The following DIO3 variants were observed in gnomAD, a reference collection of about 807,000 sequenced individuals.
DIO3 encodes the protein iodothyronine deiodinase 3.
A neutral mutation model predicts 20.4 loss-of-function variants in DIO3; 5 were observed. That is an observed-to-expected ratio of 0.25 (90% CI 0.13 to 0.52). The LOEUF is 0.52. DIO3 is among the 20% of genes least tolerant of loss of function. The pLI, the probability that DIO3 is intolerant of heterozygous loss-of-function variation, is 0.97. For missense variants in DIO3, 341 were observed against 438.2 expected, an observed-to-expected ratio of 0.78 and a Z score of 1.98; for synonymous variants, 201 against 193.3, an observed-to-expected ratio of 1.04 and a Z score of -0.33.
In DIO3 at chr14:101,561,743, G is replaced by C. The variant is rs750369987; in HGVS notation, c.247G>C (p.Glu83Gln). The change falls in exon 1 of 1, where the codon GAA becomes CAA. Residue 83 changes from glutamate (E) to glutamine (Q), a missense_variant. Physicochemically the swap from Glu to Gln is conservative, Grantham distance 29. Transcript: ENST00000510508. The surrounding 1 kb of genome is among the most constrained non-coding windows in gnomAD (Gnocchi z 8.0). ...CCGCCGCCGGGGGCAGCCCGAGCCC[G>C]AAGTGGAGCTCAACAGTGAAGGCGA... The C allele has an allele frequency of 6.2e-7, 1 of 1,612,794 alleles. No homozygotes were observed. The highest frequency in any genetic ancestry group is 8.5e-7 in the Non-Finnish European group (1 of 1,179,784).
rs780765546 is a variant in DIO3 at position 101,561,910 on chromosome 14, C to T, written c.414C>T (p.Ser138=). The change falls in exon 1 of 1, where the codon TCC becomes TCT. Residue 138 remains serine (S), a synonymous_variant. Transcript: ENST00000510508. The surrounding 1 kb of genome is among the most constrained non-coding windows in gnomAD (Gnocchi z 8.0). ...ACGAGGGCGGTCCGGCGCCCAACTCCGAGGTGGTTCTGCCCGACGGCTTCC... is the reference window on the plus strand; with the variant it reads ...ACGAGGGCGGTCCGGCGCCCAACTCTGAGGTGGTTCTGCCCGACGGCTTCC... The T allele has an allele frequency of 5.6e-6, 9 of 1,604,880 alleles. No homozygotes were observed. Among genetic ancestry groups the T allele is most frequent in the South Asian group, 2.2e-5 (2 of 91,082 alleles).
In DIO3 at chr14:101,562,481, C is replaced by G; in HGVS notation, c.*70C>G. On this transcript the variant is annotated 3_prime_UTR_variant, in exon 1 of 1. Transcript: ENST00000510508. The surrounding 1 kb of genome is among the most constrained non-coding windows in gnomAD (Gnocchi z 8.7). ...AGCCTTCGAAGCCCACGTGCAAGCG[C>G]CTCAAACCAAGTCACGCTTGGCGAG... 6.7e-7 allele frequency: 1 copy of G among 1,482,682 alleles called. No homozygotes were observed. The highest frequency in any genetic ancestry group is 9.1e-7 in the Non-Finnish European group (1 of 1,097,072). The allele number at this position is 1,482,682 out of a possible 1,614,324, so 91.8% of individuals were successfully genotyped here.
chr14:101,562,434 A>C lies in DIO3; in HGVS notation c.*23A>C. 6.3e-7 allele frequency: 1 copy of C among 1,584,548 alleles called. No homozygotes were observed. Among genetic ancestry groups the C allele is most frequent in the South Asian group, 1.1e-5 (1 of 87,546 alleles). The stretch of plus-strand genomic sequence containing the variant: ...TAAACATCCAACGGACAATTGACTG[A>C]ACTTGGTGGGCTGGGCCTTCGAGCC... On this transcript the variant is annotated 3_prime_UTR_variant, in exon 1 of 1. Coordinates refer to ENST00000510508, the Ensembl canonical transcript of DIO3. This position sits in a 1 kb window ranked among gnomAD's most constrained non-coding sequence, Gnocchi z 8.7.
rs771785204 is a variant in DIO3 at position 101,561,930 on chromosome 14, G to A, written c.434G>A (p.Gly145Asp). The A allele has an allele frequency of 6.2e-7, 1 of 1,604,230 alleles. No homozygotes were observed. ...AACTCCGAGGTGGTTCTGCCCGACG[G>A]CTTCCAGAGCCAGCACATCCTCGAC... The change falls in exon 1 of 1, where the codon GGC becomes GAC. Residue 145 changes from glycine to aspartate, a missense_variant. By Grantham distance (94) the Gly-to-Asp change is moderately conservative. Transcript: ENST00000510508. The surrounding 1 kb of genome is among the most constrained non-coding windows in gnomAD (Gnocchi z 8.0).
In DIO3 at chr14:101,562,927, G is replaced by A. The variant is rs898437227; in HGVS notation, c.*516G>A. 2 of 169,136 alleles carry A rather than the reference G, an allele frequency of 1.2e-5. No individual in the cohort carries two copies. Among genetic ancestry groups the A allele is most frequent in the African/African-American group, 4.8e-5 (2 of 41,444 alleles). The allele number at this position is 169,136 out of a possible 1,614,324, so 10.5% of individuals were successfully genotyped here. ...GTGTCTGTTTCCTGTCCCTGGTAGG[G>A]GAAGTGATGTCGTGGATGGGGAGGG... On this transcript the variant is annotated 3_prime_UTR_variant, in exon 1 of 1. Coordinates refer to ENST00000510508, the Ensembl canonical transcript of DIO3. The surrounding 1 kb of genome is among the most constrained non-coding windows in gnomAD (Gnocchi z 8.7).
In DIO3 at chr14:101,562,549, G is replaced by T; in HGVS notation, c.*138G>T. The T allele has an allele frequency of 1.3e-6, 1 of 788,648 alleles. No homozygotes were observed. Among genetic ancestry groups the T allele is most frequent in the East Asian group, 2.7e-5 (1 of 37,220 alleles). The allele number at this position is 788,648 out of a possible 1,614,324, so 48.9% of individuals were successfully genotyped here. On this transcript the variant is annotated 3_prime_UTR_variant, in exon 1 of 1. Coordinates refer to ENST00000510508, the Ensembl canonical transcript of DIO3. The surrounding 1 kb of genome is among the most constrained non-coding windows in gnomAD (Gnocchi z 8.7). Reference sequence around the variant, plus strand: ...GTGCTGAGCCACCATTTCAGACTGAGTCTGCACCCTCAGCCACATGAACAA... The same window carrying T: ...GTGCTGAGCCACCATTTCAGACTGATTCTGCACCCTCAGCCACATGAACAA...
Position 101,561,806 on chromosome 14 carries a change from G to A in DIO3, c.310G>A (p.Asp104Asn). ...CGATGACCCGCCCATCTGCGTGTCC[G>A]ACGACAACCGCCTGTGCACCCTGGC... is the stretch of plus-strand genomic sequence containing the variant. The change falls in exon 1 of 1, where the codon GAC (aspartate) becomes AAC (asparagine). Residue 104 changes from aspartate (D) to asparagine (N), a missense_variant. Physicochemically the swap from Asp to Asn is conservative, Grantham distance 23 (BLOSUM62 1). Coordinates refer to ENST00000510508, the Ensembl canonical transcript of DIO3. This position sits in a 1 kb window ranked among gnomAD's most constrained non-coding sequence, Gnocchi z 8.0. The A allele has an allele frequency of 1.2e-6, 2 of 1,610,950 alleles. No homozygotes were observed. The highest frequency in any genetic ancestry group is 1.7e-6 in the Non-Finnish European group (2 of 1,179,928).
chr14:101,562,523 T>C lies in DIO3; in HGVS notation c.*112T>C. The C allele has an allele frequency of 9.6e-7, 1 of 1,036,896 alleles. No homozygotes were observed. Among genetic ancestry groups the C allele is most frequent in the Non-Finnish European group, 1.4e-6 (1 of 711,684 alleles). The allele number at this position is 1,036,896 out of a possible 1,614,324, so 64.2% of individuals were successfully genotyped here. ...CTTGGCGAGGCCCCAGTGACACTGATGTGCTGAGCCACCATTTCAGACTGA... is the reference window on the plus strand; with the variant it reads ...CTTGGCGAGGCCCCAGTGACACTGACGTGCTGAGCCACCATTTCAGACTGA... On this transcript the variant is annotated 3_prime_UTR_variant, in exon 1 of 1. Transcript: ENST00000510508. This position sits in a 1 kb window ranked among gnomAD's most constrained non-coding sequence, Gnocchi z 8.7.
At position 101,562,458 on chromosome 14, in the gene DIO3, C is replaced by A. The variant is rs756301888; in HGVS notation, c.*47C>A. ...GAACTTGGTGGGCTGGGCCTTCGAG[C>A]CTTCGAAGCCCACGTGCAAGCGCCT... On this transcript the variant is annotated 3_prime_UTR_variant, in exon 1 of 1. Coordinates refer to ENST00000510508, the Ensembl canonical transcript of DIO3. This position sits in a 1 kb window ranked among gnomAD's most constrained non-coding sequence, Gnocchi z 8.7. 4.5e-6 allele frequency: 7 copies of A among 1,543,152 alleles called. No individual in the cohort carries two copies. The highest frequency in any genetic ancestry group is 2.7e-5 in the African/African-American group (2 of 72,892).
chr14:101,562,237 C>G lies in DIO3; in HGVS notation c.741C>G (p.Ala247=), dbSNP rs375201783. 40 of 1,612,550 alleles carry G rather than the reference C, an allele frequency of 2.5e-5. No homozygotes were observed. Among genetic ancestry groups the G allele is most frequent in the Non-Finnish European group, 3.4e-5 (40 of 1,180,024 alleles). ...GCGCTCTGGTCCTCGACACCATGGCCAACTCCAGCAGCTCGGCCTATGGCG... is the reference window on the plus strand; with the variant it reads ...GCGCTCTGGTCCTCGACACCATGGCGAACTCCAGCAGCTCGGCCTATGGCG... Residue 247 remains alanine, a synonymous_variant, in exon 1 of 1, where the codon GCC becomes GCG. Coordinates refer to ENST00000510508, the Ensembl canonical transcript of DIO3. This position sits in a 1 kb window ranked among gnomAD's most constrained non-coding sequence, Gnocchi z 8.7.
In DIO3 at chr14:101,561,495, A is replaced by G. The variant is rs1426434710; in HGVS notation, c.-2A>G. On this transcript the variant is annotated 5_prime_UTR_variant, in exon 1 of 1. Coordinates refer to ENST00000510508, the Ensembl canonical transcript of DIO3. This position sits in a 1 kb window ranked among gnomAD's most constrained non-coding sequence, Gnocchi z 8.0. ...TGAACTCCCTGCACTGCTGAAGCCC[A>G]GATGCCTCGCCAGGCCACGTCGCGG... The G allele has an allele frequency of 6.3e-7, 1 of 1,595,034 alleles. No individual in the cohort carries two copies. Among genetic ancestry groups the G allele is most frequent in the Non-Finnish European group, 8.5e-7 (1 of 1,170,022 alleles).
rs761379508 is a variant in DIO3 at position 101,562,321 on chromosome 14, T to C, written c.825T>C (p.Arg275=). Residue 275 remains arginine (R), a synonymous_variant, in exon 1 of 1, where the codon CGT becomes CGC. Coordinates refer to ENST00000510508, the Ensembl canonical transcript of DIO3. The surrounding 1 kb of genome is among the most constrained non-coding windows in gnomAD (Gnocchi z 8.7). ...GCACTATTATGTACCAGGGCGGCCG[T>C]GGCCCCGACGGCTACCAGGTCTCTG... 1 of 1,613,952 alleles carries C rather than the reference T, an allele frequency of 6.2e-7. No individual in the cohort carries two copies. The highest frequency in any genetic ancestry group is 1.1e-5 in the South Asian group (1 of 91,084).
Position 101,562,586 on chromosome 14 carries a change from T to A in DIO3, c.*175T>A. On this transcript the variant is annotated 3_prime_UTR_variant, in exon 1 of 1. Coordinates refer to ENST00000510508, the Ensembl canonical transcript of DIO3. The surrounding 1 kb of genome is among the most constrained non-coding windows in gnomAD (Gnocchi z 8.7). ...AGCCACATGAACAATCTCCCCTACC[T>A]CCCTGGGACTCTGCTTCTGTAACTG... 1.6e-6 allele frequency: 1 copy of A among 632,072 alleles called. No homozygotes were observed. The highest frequency in any genetic ancestry group is 2.8e-6 in the Non-Finnish European group (1 of 357,176). The allele number at this position is 632,072 out of a possible 1,614,324, so 39.2% of individuals were successfully genotyped here.
chr14:101,562,584 C>T lies in DIO3; in HGVS notation c.*173C>T, dbSNP rs1428177296. ...TCAGCCACATGAACAATCTCCCCTA[C>T]CTCCCTGGGACTCTGCTTCTGTAAC... On this transcript the variant is annotated 3_prime_UTR_variant, in exon 1 of 1. Coordinates refer to ENST00000510508, the Ensembl canonical transcript of DIO3. The surrounding 1 kb of genome is among the most constrained non-coding windows in gnomAD (Gnocchi z 8.7). 26 of 643,296 alleles carry T rather than the reference C, an allele frequency of 4.0e-5. No homozygotes were observed. The highest frequency in any genetic ancestry group is 5.7e-5 in the Non-Finnish European group (21 of 365,374). 39.8% of individuals were successfully genotyped at this position (643,296 alleles called of 1,614,324 possible).
rs778242454 is a variant in DIO3, at chr14:101,562,019, G to A, written c.523G>A (p.Ala175Thr). 6.2e-7 allele frequency: 1 copy of A among 1,604,364 alleles called. No homozygotes were observed. Among genetic ancestry groups the A allele is most frequent in the African/African-American group, 1.3e-5 (1 of 75,068 alleles). Residue 175 changes from alanine (A) to threonine (T), a missense_variant, in exon 1 of 1, where the codon GCG becomes ACG. By Grantham distance (58) the Ala-to-Thr change is moderately conservative (BLOSUM62 0). This residue lies in a region of DIO3 where 138 missense variants were observed against 197.8 expected (regional missense o/e 0.70). Coordinates refer to ENST00000510508, the Ensembl canonical transcript of DIO3. The surrounding 1 kb of genome is among the most constrained non-coding windows in gnomAD (Gnocchi z 8.7). ...CAGCTGCACCTGACCACCGTTCATG[G>A]CGCGCATGAGCGCCTTCCAGCGCCT...
At position 101,562,438 on chromosome 14, in the gene DIO3, T is replaced by G. The variant is rs2034537149; in HGVS notation, c.*27T>G. ...CATCCAACGGACAATTGACTGAACT[T>G]GGTGGGCTGGGCCTTCGAGCCTTCG... On this transcript the variant is annotated 3_prime_UTR_variant, in exon 1 of 1. Transcript: ENST00000510508. The surrounding 1 kb of genome is among the most constrained non-coding windows in gnomAD (Gnocchi z 8.7). 6.3e-7 allele frequency: 1 copy of G among 1,581,256 alleles called. No individual in the cohort carries two copies. Among genetic ancestry groups the G allele is most frequent in the Non-Finnish European group, 8.6e-7 (1 of 1,161,364 alleles).
At position 101,561,990 on chromosome 14, in the gene DIO3, T is replaced by C; in HGVS notation, c.494T>C (p.Phe165Ser). Residue 165 changes from phenylalanine to serine, a missense_variant, in exon 1 of 1, where the codon TTC becomes TCC. Around this residue, in one of 3 missense-constraint regions of DIO3, gnomAD observed 5 missense variants for 19.8 expected, o/e 0.25. Coordinates refer to ENST00000510508, the Ensembl canonical transcript of DIO3. This position sits in a 1 kb window ranked among gnomAD's most constrained non-coding sequence, Gnocchi z 8.0. ...GGGAACCGCCCGCTGGTTCTCAATT[T>C]CGGCAGCTGCACCTGACCACCGTTC... is the stretch of plus-strand genomic sequence containing the variant. 6.2e-7 allele frequency: 1 copy of C among 1,602,884 alleles called. No homozygotes were observed. The highest frequency in any genetic ancestry group is 8.5e-7 in the Non-Finnish European group (1 of 1,179,976).
rs975635264 is a variant in DIO3 at position 101,561,982 on chromosome 14, T to G, written c.486T>G (p.Val162=). ...ACGCGCAAGGGAACCGCCCGCTGGTTCTCAATTTCGGCAGCTGCACCTGAC... is the reference window on the plus strand; with the variant it reads ...ACGCGCAAGGGAACCGCCCGCTGGTGCTCAATTTCGGCAGCTGCACCTGAC... The change falls in exon 1 of 1, where the codon GTT becomes GTG. Residue 162 remains valine, a synonymous_variant. Coordinates refer to ENST00000510508, the Ensembl canonical transcript of DIO3. The surrounding 1 kb of genome is among the most constrained non-coding windows in gnomAD (Gnocchi z 8.0). 6.2e-7 allele frequency: 1 copy of G among 1,602,742 alleles called. No homozygotes were observed. Among genetic ancestry groups the G allele is most frequent in the Non-Finnish European group, 8.5e-7 (1 of 1,179,974 alleles).
rs777258629 is a variant in DIO3 at position 101,562,099 on chromosome 14, G to A, written c.603G>A (p.Ala201=). The change falls in exon 1 of 1, where the codon GCG becomes GCA. Residue 201 remains alanine, a synonymous_variant. Coordinates refer to ENST00000510508, the Ensembl canonical transcript of DIO3. The surrounding 1 kb of genome is among the most constrained non-coding windows in gnomAD (Gnocchi z 8.7). ...TCCTCATCATCTACATCGAGGAAGCGCACCCCTCCGACGGCTGGGTCACCA... is the reference window on the plus strand; with the variant it reads ...TCCTCATCATCTACATCGAGGAAGCACACCCCTCCGACGGCTGGGTCACCA... 15 of 1,612,426 alleles carry A rather than the reference G, an allele frequency of 9.3e-6. No individual in the cohort carries two copies. The highest frequency in any genetic ancestry group is 6.7e-5 in the East Asian group (3 of 44,894).
Sources: allele counts gnomAD v4.1 joint callset, GRCh38; gene constraint gnomAD v4.1.1; regional missense constraint gnomAD v4.1.1; non-coding constraint Gnocchi (gnomAD v3.1); transcripts MANE v1.5; gene names NCBI Gene and HGNC (gene_info 2026-07-23, HGNC 2026-07-21).